The following GALNT7 variants were observed in gnomAD, a reference collection of about 807,000 sequenced individuals.
GALNT7 encodes polypeptide N-acetylgalactosaminyltransferase 7.
Under a neutral mutation model 82.1 loss-of-function variants are expected in GALNT7, and 60 were observed. That is an observed-to-expected ratio of 0.73 (90% confidence interval 0.59 to 0.91). The LOEUF is 0.91. Among genes scored for constraint, GALNT7 ranks in the 40% least tolerant of loss-of-function variants. The probability of loss-of-function intolerance (pLI) is 0.00; values close to 1 mark genes in which losing one functional copy is unlikely to be tolerated. For synonymous variants in GALNT7, 243 were observed against 275.1 expected (o/e 0.88, Z 1.15); for missense variants, 660 against 804.2 (o/e 0.82, Z 2.17).
chr4:173,231,081 T>A (rs9685410), intron 1 of GALNT7, among the ~76,000 whole-genome samples: 111,355 of 152,140 alleles, frequency 0.73, 42,209 homozygotes, highest in East Asian at 0.92. Context: ...TTAACATAGG[T>A]TGAAAAGCAC....
At chr4:173,212,780 C>T (rs970867945) in intron 1 of GALNT7, among the ~76,000 whole-genome samples, 5 of 152,104 alleles carry the variant, frequency 3.3e-5, no homozygotes, top group African/African-American at 7.2e-5. Context: ...ACAATAGCCC[C>T]ATGACTTCAG....
At position 173,259,615 on chromosome 4, in the gene GALNT7, T is replaced by TTACTTGGTTTTGTTTTTTGG. The variant is rs1448529173; in HGVS notation, c.587+11177_587+11178insCTTGGTTTTGTTTTTTGGTA. 6.6e-5 allele frequency among the ~76,000 whole-genome samples: 10 copies of TTACTTGGTTTTGTTTTTTGG among 152,246 alleles called. No homozygotes were observed. The East Asian group carries it at 1.9e-3, about 29-fold the overall frequency. On this transcript the variant is annotated intron_variant, in intron 2 of 11. Coordinates refer to ENST00000265000, the MANE Select transcript of GALNT7 (RefSeq NM_017423.3). ...CCTCTTGAATTATCCTCCTTATTTC[T>TTACTTGGTTTTGTTTTTTGG]TATTTCCATTACTTGGTTTTGTTTT...
intron 1 of GALNT7, among the ~76,000 whole-genome samples, chr4:173,238,768 A>G (rs73870599): frequency 0.02 from 3,096 of 152,314 alleles, 109 homozygotes; most frequent in African/African-American, 0.071. Flanking sequence ...GAATTTTTAT[A>G]AGGTCTCTGA....
At chr4:173,186,746 A>T (rs1050603362) in intron 1 of GALNT7, among the ~76,000 whole-genome samples, 1 of 152,010 alleles carries the variant, frequency 6.6e-6, no homozygotes, top group Non-Finnish European at 1.5e-5. Flanking sequence ...AGTGTTCTCA[A>T]ATGGGGAAAG....
chr4:173,243,924 AT>A (rs1734522390), intron 1 of GALNT7, among the ~76,000 whole-genome samples: 1 of 152,144 alleles, frequency 6.6e-6, no homozygotes, highest in Admixed American at 6.5e-5. Context: ...CAAAGCAGAA[AT>A]TTTAGGATTC....
intron 1 of GALNT7, among the ~76,000 whole-genome samples, chr4:173,199,202 C>A (rs985360064): frequency 1.3e-5 from 2 of 152,084 alleles, no homozygotes; most frequent in African/African-American, 4.8e-5. Context: ...TAGAGTAGTT[C>A]GGAGAAGAAA....
At chr4:173,229,242 C>A (rs1210378116) in intron 1 of GALNT7, among the ~76,000 whole-genome samples, 1 of 152,124 alleles carries the variant, frequency 6.6e-6, no homozygotes, top group Non-Finnish European at 1.5e-5. Context: ...TATTCACCTA[C>A]CCTAGTGGGC....
chr4:173,258,246 A>G (rs1735117276), intron 2 of GALNT7, among the ~76,000 whole-genome samples: 1 of 152,184 alleles, frequency 6.6e-6, no homozygotes, highest in African/African-American at 2.4e-5. Flanking sequence ...TCATTGTGGT[A>G]CTAGTCTCTG....
intron 1 of GALNT7, among the ~76,000 whole-genome samples, chr4:173,182,257 T>C (rs1561143653): frequency 6.6e-6 from 1 of 152,210 alleles, no homozygotes; most frequent in African/African-American, 2.4e-5. Context: ...AAAAGGAAGT[T>C]GTAAGTGTCA....
chr4:173,173,134 G>A (rs529629683), intron 1 of GALNT7, among the ~76,000 whole-genome samples: 55 of 152,256 alleles, frequency 3.6e-4, no homozygotes, highest in African/African-American at 1.3e-3. Flanking sequence ...ATTGGATATG[G>A]TAGTGAAGGT....
intron 1 of GALNT7, among the ~76,000 whole-genome samples, chr4:173,246,514 A>G (rs1273566443): frequency 2.0e-5 from 3 of 152,194 alleles, no homozygotes; most frequent in African/African-American, 7.2e-5. Flanking sequence ...GCTTTTCACT[A>G]CATGCCCTTT....
At chr4:173,307,568 A>G (rs1737206438) in intron 8 of GALNT7, among the ~76,000 whole-genome samples, 1 of 152,170 alleles carries the variant, frequency 6.6e-6, no homozygotes, top group South Asian at 2.1e-4. Context: ...TAGCTTTTAG[A>G]GCCAAGGAAA....
At chr4:173,212,661 T>G (rs1388426380) in intron 1 of GALNT7, among the ~76,000 whole-genome samples, 1 of 152,074 alleles carries the variant, frequency 6.6e-6, no homozygotes, top group Non-Finnish European at 1.5e-5. Context: ...GATGACTTTC[T>G]TTTGCTAGAA....
chr4:173,226,149 T>A (rs188803985), intron 1 of GALNT7, among the ~76,000 whole-genome samples: 1 of 152,286 alleles, frequency 6.6e-6, no homozygotes, highest in Admixed American at 6.5e-5. Flanking sequence ...GTCCACCACA[T>A]CTCCAGTAAA....
Position 173,168,873 on chromosome 4 carries a change from T to C in GALNT7, c.38T>C (p.Leu13Pro). Residue 13 changes from leucine (L) to proline (P), a missense_variant, in exon 1 of 12, where the codon CTG (leucine) becomes CCG (proline). Around this residue, in one of 2 missense-constraint regions of GALNT7, gnomAD observed 133 missense variants for 120.7 expected, o/e 1.10. Transcript: ENST00000265000. ...LKIGFILRSLLVVGSFLGLVV... is the reference protein window; with the variant it reads ...LKIGFILRSLPVVGSFLGLVV... The stretch of plus-strand genomic sequence containing the variant: ...ATTGGGTTCATCTTACGCAGTTTGC[T>C]GGTGGTGGGAAGCTTCCTGGGGCTA... The C allele has an allele frequency of 6.2e-7, 1 of 1,613,308 alleles. No homozygotes were observed. The highest frequency in any genetic ancestry group is 1.1e-5 in the South Asian group (1 of 91,058).
intron 6 of GALNT7, among the ~76,000 whole-genome samples, chr4:173,300,759 G>A (rs1736893497): frequency 1.3e-5 from 2 of 152,064 alleles, no homozygotes; most frequent in Admixed American, 1.3e-4. Context: ...CACAAGCTCG[G>A]GAGATATTGG....
intron 1 of GALNT7, among the ~76,000 whole-genome samples, chr4:173,241,195 A>AC (rs1257435984): frequency 1.4e-5 from 2 of 145,610 alleles, no homozygotes; most frequent in Non-Finnish European, 3.0e-5. Flanking sequence ...ACAAAGTGAG[A>AC]CCCCATCTCT....
chr4:173,277,345 G>A (rs1467343036), intron 2 of GALNT7, among the ~76,000 whole-genome samples: 2 of 152,184 alleles, frequency 1.3e-5, no homozygotes, highest in Non-Finnish European at 2.9e-5. Context: ...CACATGCTCT[G>A]TCTTTCTCAG....
At chr4:173,239,404 T>C (rs1734342934) in intron 1 of GALNT7, among the ~76,000 whole-genome samples, 1 of 152,178 alleles carries the variant, frequency 6.6e-6, no homozygotes, top group South Asian at 2.1e-4. Flanking sequence ...GTCTACTAGG[T>C]ACTCGGGACA....
Sources: gnomAD v4.1 joint callset for allele counts (sites outside exome capture counted in the v4.1 genomes callset) on GRCh38, gnomAD v4.1.1 for gene constraint, gnomAD v4.1.1 regional missense constraint, MANE v1.5 for transcripts, NCBI Gene and HGNC (gene_info 2026-07-23, HGNC 2026-07-21) for gene names.